The following SF3B1 variants were observed in gnomAD, a reference collection of about 807,000 sequenced individuals.
SF3B1 encodes pre-mRNA processing 10.
A neutral mutation model predicts 153.8 loss-of-function variants in SF3B1; 12 were observed. The observed-to-expected ratio is 0.08, with a 90% confidence interval of 0.05 to 0.13. SF3B1 has a LOEUF of 0.13. Ranked by LOEUF, SF3B1 falls within the 10% of genes least tolerant of loss-of-function variation. The pLI, the probability that SF3B1 is intolerant of heterozygous loss-of-function variation, is 1.00. For synonymous variants in SF3B1, 498 were observed against 525.2 expected (o/e 0.95, Z 0.71); for missense variants, 513 against 1,606.1 (o/e 0.32, Z 11.63).
At chr2:197,422,979 T>A (rs896398027) in intron 2 of SF3B1, among the ~76,000 whole-genome samples, 4 of 152,088 alleles carry the variant, frequency 2.6e-5, no homozygotes, top group African/African-American at 9.7e-5. Flanking sequence ...TGATAAAATA[T>A]AAGCTACCTG....
At position 197,409,756 on chromosome 2, in the gene SF3B1, T is replaced by C; in HGVS notation, c.904+14A>G. 2.5e-6 allele frequency: 4 copies of C among 1,585,136 alleles called. No individual in the cohort carries two copies. The highest frequency in any genetic ancestry group is 3.5e-6 in the Non-Finnish European group (4 of 1,153,618). On this transcript the variant is annotated intron_variant, in intron 7 of 24. Transcript: ENST00000335508. The stretch of plus-strand genomic sequence containing the variant: ...CAACATTTCACCCACACACCCATAC[T>C]CCACTAGAAGTACCTCTCTCTGTTT...
Position 197,413,262 on chromosome 2 carries a change from G to A in SF3B1, c.667-3255C>T, listed in dbSNP as rs1454547370. ...CTAAAAATACAAAAATTAGCTGGGC[G>A]TGATGGCACATGCCTGTAATCCCAG... On this transcript the variant is annotated intron_variant, in intron 6 of 24. Transcript: ENST00000335508. Among the ~76,000 whole-genome samples, 6 of 152,190 alleles carry A rather than the reference G, an allele frequency of 3.9e-5. No homozygotes were observed. In the South Asian group the frequency reaches 8.3e-4, roughly 21 times the overall value.
At chr2:197,418,678 T>C in intron 4 of SF3B1, 90 bp from the exon 5 acceptor site, 2 of 1,498,330 alleles carry the variant, frequency 1.3e-6, no homozygotes, top group Non-Finnish European at 1.8e-6. Flanking sequence ...CTAAATATTA[T>C]GTTATTCCAT....
chr2:197,432,857 C>T (rs927532120), intron 1 of SF3B1, among the ~76,000 whole-genome samples: 7 of 151,654 alleles, frequency 4.6e-5, no homozygotes, highest in African/African-American at 1.7e-4. Context: ...CAGAAAAAGA[C>T]CCTATCTCAA....
At chr2:197,431,851 C>A (rs1322415442) in intron 1 of SF3B1, among the ~76,000 whole-genome samples, 1 of 152,144 alleles carries the variant, frequency 6.6e-6, no homozygotes, top group Non-Finnish European at 1.5e-5. Context: ...CAAGGCCAGG[C>A]ATCGTGGCTC....
chr2:197,399,131 C>A, intron 20 of SF3B1: 1 of 1,239,310 alleles, frequency 8.1e-7, no homozygotes, highest in Non-Finnish European at 1.0e-6. Context: ...TCTTCCCATG[C>A]CTCTCTGACA....
intron 22 of SF3B1, 153 bp downstream of exon 22, chr2:197,397,832 A>G (rs1489866275): frequency 2.0e-6 from 1 of 509,334 alleles, no homozygotes; most frequent in East Asian, 3.2e-5. Flanking sequence ...ATACATTCCA[A>G]TAATCAGAAG....
At chr2:197,427,489 T>G (rs2085353008) in intron 1 of SF3B1, among the ~76,000 whole-genome samples, 1 of 152,036 alleles carries the variant, frequency 6.6e-6, no homozygotes, top group Non-Finnish European at 1.5e-5. Context: ...ACTCAGAAAT[T>G]TCTTAATAAA....
chr2:197,419,093 T>C (rs781145416), intron 4 of SF3B1: 1 of 614,074 alleles, frequency 1.6e-6, no homozygotes, highest in Non-Finnish European at 2.8e-6. Flanking sequence ...AAAACAATTG[T>C]AGTTTAGAAA....
intron 20 of SF3B1, chr2:197,399,147 T>G: frequency 8.3e-7 from 1 of 1,207,396 alleles, no homozygotes; most frequent in African/African-American, 1.6e-5. Context: ...TGACAAACAA[T>G]ATGGTTTAAA....
intron 1 of SF3B1, 132 bp downstream of exon 1, chr2:197,434,840 G>T: frequency 1.1e-6 from 1 of 940,744 alleles, no homozygotes; most frequent in Non-Finnish European, 1.7e-6. Context: ...GCGCGGAGGA[G>T]ACGACCCTTG....
chr2:197,414,178 G>A (rs775226430), intron 6 of SF3B1, among the ~76,000 whole-genome samples: 10 of 152,164 alleles, frequency 6.6e-5, no homozygotes, highest in African/African-American at 9.7e-5. Context: ...ACATGTATGC[G>A]AAGAAAATCA....
chr2:197,431,967 T>C (rs985518222), intron 1 of SF3B1, among the ~76,000 whole-genome samples: 22 of 151,656 alleles, frequency 1.5e-4, no homozygotes, highest in Non-Finnish European at 3.1e-4. Context: ...TAAAAAAAAA[T>C]TGTAAAAATT....
chr2:197,413,546 T>C (rs1407432319), intron 6 of SF3B1, among the ~76,000 whole-genome samples: 1 of 152,260 alleles, frequency 6.6e-6, no homozygotes, highest in African/African-American at 2.4e-5. Flanking sequence ...AGGTTTTATA[T>C]ATCCCTGTTC....
At chr2:197,410,414 C>T (rs574320489) in intron 6 of SF3B1, among the ~76,000 whole-genome samples, 3 of 151,242 alleles carry the variant, frequency 2.0e-5, no homozygotes, top group South Asian at 2.1e-4. Context: ...AGAAGGAATT[C>T]GTGTGTTCTA....
chr2:197,410,625 C>A (rs2085054591), intron 6 of SF3B1, among the ~76,000 whole-genome samples: 1 of 151,296 alleles, frequency 6.6e-6, no homozygotes, highest in African/African-American at 2.4e-5. Context: ...CCAGCCTCAG[C>A]CTCCTGAGTA....
In SF3B1 at chr2:197,401,688, C is replaced by A. The variant is rs2084938914; in HGVS notation, c.2370+54G>T. 2 of 1,548,004 alleles carry A rather than the reference C, an allele frequency of 1.3e-6. No individual in the cohort carries two copies. Among genetic ancestry groups the A allele is most frequent in the South Asian group, 2.4e-5 (2 of 84,010 alleles). Reference sequence around the variant, plus strand: ...TGATTTTTAAAAACACTTTAAAATTCTGTTAGAACCATGAAACATATCCAG... The same window carrying A: ...TGATTTTTAAAAACACTTTAAAATTATGTTAGAACCATGAAACATATCCAG... On this transcript the variant is annotated intron_variant, in intron 16 of 24. Transcript: ENST00000335508. This position sits in a 1 kb window ranked among gnomAD's most constrained non-coding sequence, Gnocchi z 4.2.
intron 6 of SF3B1, among the ~76,000 whole-genome samples, chr2:197,410,866 T>C (rs2085057562): frequency 6.6e-6 from 1 of 152,228 alleles, no homozygotes; most frequent in South Asian, 2.1e-4. Context: ...AGTTTGTATG[T>C]ACAGTTACAT....
intron 21 of SF3B1, 54 bp from the exon 22 acceptor site, chr2:197,398,170 G>T: frequency 6.9e-7 from 1 of 1,445,494 alleles, no homozygotes; most frequent in Non-Finnish European, 9.6e-7. Context: ...AAGTTTTAAG[G>T]ATAAATTTGC....
Sources: allele counts gnomAD v4.1 joint callset (sites outside exome capture counted in the v4.1 genomes callset), GRCh38; gene constraint gnomAD v4.1.1; non-coding constraint Gnocchi (gnomAD v3.1); transcripts MANE v1.5; gene names NCBI Gene and HGNC (gene_info 2026-07-23, HGNC 2026-07-21).